The following CSRNP3 variants were observed in gnomAD, a reference collection of about 807,000 sequenced individuals.
The protein encoded by CSRNP3 is cysteine and serine rich nuclear protein 3.
CSRNP3 carries 12 observed loss-of-function variants against 48.0 expected under a neutral mutation model. The observed-to-expected ratio is 0.25, with a 90% CI of 0.16 to 0.41. The LOEUF is 0.41. Ranked by LOEUF, CSRNP3 falls within the 10% of genes least tolerant of loss-of-function variation. CSRNP3 has a pLI of 1.00. For synonymous variants in CSRNP3, 263 were observed against 269.7 expected, an observed-to-expected ratio of 0.98 and a Z score of 0.24; for missense variants, 580 against 724.4, an observed-to-expected ratio of 0.80 and a Z score of 2.29.
At chr2:165,651,218 A>C (rs1356753149) in intron 4 of CSRNP3, among the ~76,000 whole-genome samples, 2 of 152,252 alleles carry the variant, frequency 1.3e-5, no homozygotes, top group Non-Finnish European at 2.9e-5. Context: ...AATGTTTACA[A>C]ATGGCTAAAG....
At chr2:165,671,347 A>G (rs1293326503) in intron 5 of CSRNP3, among the ~76,000 whole-genome samples, 1 of 152,266 alleles carries the variant, frequency 6.6e-6, no homozygotes, top group Non-Finnish European at 1.5e-5. Flanking sequence ...TTGTATTAAT[A>G]AAGAAAACGA....
At chr2:165,618,335 T>C (rs1324133240) in intron 4 of CSRNP3, among the ~76,000 whole-genome samples, 1 of 152,216 alleles carries the variant, frequency 6.6e-6, no homozygotes, top group African/African-American at 2.4e-5. Flanking sequence ...TCCCTGTCAC[T>C]TCCCTGCTGA....
rs1002270631 is a variant in CSRNP3 at position 165,685,452 on chromosome 2, T to C, written c.*5699T>C. On this transcript the variant is annotated 3_prime_UTR_variant, in exon 7 of 7. Coordinates refer to ENST00000651982, the MANE Select transcript of CSRNP3 (RefSeq NM_001172173.2). ...CCTATCCTGAGAGTGGTAATGCCAG[T>C]AGAATGATGGGAACCAGGAGAGTGA... is the stretch of plus-strand genomic sequence containing the variant. 1.3e-5 allele frequency: 2 copies of C among 152,078 alleles called. No individual in the cohort carries two copies. Among genetic ancestry groups the C allele is most frequent in the African/African-American group, 2.4e-5 (1 of 41,434 alleles). The allele number at this position is 152,078 out of a possible 1,614,324, so 9.4% of individuals were successfully genotyped here.
Position 165,679,728 on chromosome 2 carries a change from C to T in CSRNP3, c.1733C>T (p.Pro578Leu), listed in dbSNP as rs769779209. The change falls in exon 7 of 7, where the codon CCC becomes CTC. Residue 578 changes from proline (P) to leucine (L), a missense_variant. Coordinates refer to ENST00000651982, the MANE Select transcript of CSRNP3 (RefSeq NM_001172173.2). ...SILHEECIKSPVVETVPV is the reference protein window; with the variant it reads ...SILHEECIKSLVVETVPV ...TTGCATGAAGAGTGCATCAAATCAC[C>T]CGTGGTTGAGACAGTCCCTGTTTAG... is the stretch of plus-strand genomic sequence containing the variant. 3 of 1,613,626 alleles carry T rather than the reference C, an allele frequency of 1.9e-6. No homozygotes were observed. Among genetic ancestry groups the T allele is most frequent in the Admixed American group, 1.7e-5 (1 of 60,008 alleles).
At chr2:165,505,189 A>G (rs1684410408) in intron 2 of CSRNP3, among the ~76,000 whole-genome samples, 1 of 152,150 alleles carries the variant, frequency 6.6e-6, no homozygotes, top group African/African-American at 2.4e-5. Flanking sequence ...TCAAAACGAA[A>G]AAACAAGCAA....
intron 3 of CSRNP3, among the ~76,000 whole-genome samples, chr2:165,594,176 C>T (rs1027170684): frequency 6.6e-6 from 1 of 151,680 alleles, no homozygotes; most frequent in Non-Finnish European, 1.5e-5. Flanking sequence ...GGATATTTAA[C>T]CTTTCAGTTA....
intron 4 of CSRNP3, among the ~76,000 whole-genome samples, chr2:165,610,229 T>C (rs1686114131): frequency 6.6e-6 from 1 of 152,200 alleles, no homozygotes; most frequent in African/African-American, 2.4e-5. Flanking sequence ...ATCATTATAT[T>C]GTATTGTTTC....
chr2:165,677,667 A>G lies in CSRNP3; in HGVS notation c.706-1034A>G, dbSNP rs893927300. ...CTGGGGCCAAGATGATTGTATTAGA[A>G]TAGTCTGCCTTCTCTTCTTTAGCAT... is the stretch of plus-strand genomic sequence containing the variant. On this transcript the variant is annotated intron_variant, in intron 6 of 6. Transcript: ENST00000651982. Among the ~76,000 whole-genome samples the G allele has an allele frequency of 3.3e-5, 5 of 152,134 alleles. No individual in the cohort carries two copies. In the East Asian group the frequency reaches 5.8e-4, roughly 18 times the overall value.
intron 4 of CSRNP3, among the ~76,000 whole-genome samples, chr2:165,604,042 CATG>C (rs1192168588): frequency 2.0e-5 from 3 of 152,134 alleles, no homozygotes; most frequent in Non-Finnish European, 4.4e-5. Context: ...CTGATCAGTA[CATG>C]ATAAGTATTT....
At chr2:165,510,583 C>T (rs1684488398) in intron 2 of CSRNP3, among the ~76,000 whole-genome samples, 1 of 152,110 alleles carries the variant, frequency 6.6e-6, no homozygotes, top group Admixed American at 6.6e-5. Flanking sequence ...GTCCTAAAAT[C>T]AGCCATTTTC....
chr2:165,528,068 T>G (rs2105241180), intron 3 of CSRNP3, among the ~76,000 whole-genome samples: 1 of 152,246 alleles, frequency 6.6e-6, no homozygotes, highest in Admixed American at 6.5e-5. Flanking sequence ...AATGATGTAA[T>G]ATTATGTCTA....
At chr2:165,578,948 T>C (rs533848332) in intron 3 of CSRNP3, among the ~76,000 whole-genome samples, 12 of 152,236 alleles carry the variant, frequency 7.9e-5, no homozygotes, top group South Asian at 2.1e-4. Flanking sequence ...ATCTTCTTCA[T>C]TGGGAAAGTG....
chr2:165,549,419 G>A (rs1323573305), intron 3 of CSRNP3, among the ~76,000 whole-genome samples: 1 of 152,000 alleles, frequency 6.6e-6, no homozygotes, highest in Non-Finnish European at 1.5e-5. Context: ...ATCGCAACTG[G>A]TTACTAAATT....
intron 3 of CSRNP3, among the ~76,000 whole-genome samples, chr2:165,564,624 T>G (rs1431531797): frequency 6.6e-6 from 1 of 151,980 alleles, no homozygotes; most frequent in Admixed American, 6.6e-5. Flanking sequence ...CTATACCTAT[T>G]AGGTGTCATC....
At chr2:165,502,826 A>T (rs540474186) in intron 2 of CSRNP3, among the ~76,000 whole-genome samples, 2 of 152,074 alleles carry the variant, frequency 1.3e-5, no homozygotes, top group South Asian at 2.1e-4. Context: ...ACCCACACAC[A>T]TACATACATA....
At chr2:165,658,149 T>G in intron 5 of CSRNP3, 129 bp downstream of exon 5, 1 of 1,042,550 alleles carries the variant, frequency 9.6e-7, no homozygotes, top group South Asian at 1.7e-5. Context: ...GCTGACATTT[T>G]TTTAAAGCAA....
chr2:165,676,214 C>G lies in CSRNP3; in HGVS notation c.409-98C>G, dbSNP rs1687420666. On this transcript the variant is annotated intron_variant, in intron 5 of 6. Coordinates refer to ENST00000651982, the MANE Select transcript of CSRNP3 (RefSeq NM_001172173.2). ...AACAAACACTTGTTGATTATGAGGA[C>G]ATGATGATATATAATAGTTCATTCT... The G allele has an allele frequency of 7.1e-6, 6 of 844,242 alleles. No homozygotes were observed. In the Admixed American group the frequency reaches 1.4e-4, roughly 19 times the overall value. The allele number at this position is 844,242 out of a possible 1,614,324, so 52.3% of individuals were successfully genotyped here.
At chr2:165,602,980 T>C (rs1364317584) in intron 4 of CSRNP3, among the ~76,000 whole-genome samples, 3 of 152,070 alleles carry the variant, frequency 2.0e-5, no homozygotes, top group Non-Finnish European at 4.4e-5. Context: ...CTGCAGGCTC[T>C]GCCCCACGGG....
intron 5 of CSRNP3, among the ~76,000 whole-genome samples, chr2:165,674,681 A>AATATATATATATATATATAT (rs59117817): frequency 1.4e-3 from 147 of 103,150 alleles, no homozygotes; most frequent in African/African-American, 3.1e-3. Context: ...AATACTTCTG[A>AATATATATATATATATATAT]ATATATATAT....
Sources: gnomAD v4.1 joint callset for allele counts (sites outside exome capture counted in the v4.1 genomes callset) on GRCh38, gnomAD v4.1.1 for gene constraint, MANE v1.5 for transcripts, NCBI Gene and HGNC (gene_info 2026-07-23, HGNC 2026-07-21) for gene names.